The following MGAM variants were observed in gnomAD, a reference collection of about 807,000 sequenced individuals.
MGAM encodes maltase-glucoamylase.
A neutral mutation model predicts 358.8 loss-of-function variants in MGAM; 253 were observed. That is an observed-to-expected ratio of 0.71 (90% confidence interval 0.64 to 0.78). MGAM has a LOEUF of 0.78. MGAM is among the 30% of genes least tolerant of loss of function. The probability of loss-of-function intolerance (pLI) is 0.00; values close to 1 mark genes in which losing one functional copy is unlikely to be tolerated. For synonymous variants in MGAM, 1,105 were observed against 1,227.1 expected, an observed-to-expected ratio of 0.90 and a Z score of 2.08; for missense variants, 3,080 against 3,432.6, an observed-to-expected ratio of 0.90 and a Z score of 2.57.
At position 142,021,688 on chromosome 7, in the gene MGAM, A is replaced by G. The variant is rs782576547; in HGVS notation, c.661A>G (p.Arg221Gly). The G allele has an allele frequency of 5.6e-6, 9 of 1,613,968 alleles. No individual in the cohort carries two copies. In the South Asian group the frequency reaches 9.9e-5, roughly 18 times the overall value. Residue 221 changes from arginine (R) to glycine (G), a missense_variant, in exon 6 of 71, where the codon AGA becomes GGA. Arg to Gly is a moderately radical substitution (Grantham distance 125). Coordinates refer to ENST00000475668, the MANE Select transcript of MGAM (RefSeq NM_001365693.1). ...ASLTYQVEIS[R>G]QPFSIKVTRR... ...TTTGACCTACCAAGTTGAAATCTCC[A>G]GACAGCCATTTAGCATCAAAGTGAC...
intron 21 of MGAM, among the ~76,000 whole-genome samples, chr7:142,043,086 A>ATCTATAT (rs1809263469): frequency 4.1e-5 from 2 of 49,028 alleles, no homozygotes; most frequent in African/African-American, 2.2e-4. Context: ...TAAATATAAT[A>ATCTATAT]TATATATTAT....
At chr7:142,096,036 A>G (rs2129061992) in intron 64 of MGAM, 4 of 593,122 alleles carry the variant, frequency 6.7e-6, no homozygotes, top group Middle Eastern at 4.5e-4. Context: ...GATTTCAGGA[A>G]GAGATTTGAG....
chr7:141,993,449 G>T (rs1380166316), upstream of MGAM, among the ~76,000 whole-genome samples: 1 of 152,108 alleles, frequency 6.6e-6, no homozygotes, highest in Non-Finnish European at 1.5e-5. Flanking sequence ...AAATTGTAAT[G>T]CAAGTCTCTC....
At position 142,059,404 on chromosome 7, in the gene MGAM, G is replaced by A. The variant is rs1323959494; in HGVS notation, c.3820-68G>A. The A allele has an allele frequency of 1.1e-4, 176 of 1,563,806 alleles. 4 individuals are homozygous for A. The South Asian group carries it at 2.0e-3, about 18-fold the overall frequency. ...CTGGAATTCCACCATGGGTGGTGGA[G>A]GGTTGTTCTCCTATAAAGCTTGGGC... On this transcript the variant is annotated intron_variant, in intron 31 of 70. Coordinates refer to ENST00000475668, the MANE Select transcript of MGAM (RefSeq NM_001365693.1).
At position 142,086,878 on chromosome 7, in the gene MGAM, G is replaced by A. The variant is rs79492165; in HGVS notation, c.6810+161G>A. The stretch of plus-strand genomic sequence containing the variant: ...CAGTCTGTGTGCCCATTACTTTATA[G>A]GTAGTCATACTTTACTGGCCACTGG... On this transcript the variant is annotated intron_variant, in intron 57 of 70. Coordinates refer to ENST00000475668, the MANE Select transcript of MGAM (RefSeq NM_001365693.1). 2.0e-5 allele frequency among the ~76,000 whole-genome samples: 2 copies of A among 99,218 alleles called. 1 individual carries two copies. Among genetic ancestry groups the A allele is most frequent in the Non-Finnish European group, 4.4e-5 (2 of 45,120 alleles). 65.1% of individuals were successfully genotyped at this position (99,218 alleles called of 152,430 possible).
chr7:142,034,308 A>G lies in MGAM; in HGVS notation c.1716A>G (p.Ala572=). Residue 572 remains alanine (A), a synonymous_variant, in exon 15 of 71, where the codon GCA becomes GCG. Coordinates refer to ENST00000475668, the MANE Select transcript of MGAM (RefSeq NM_001365693.1). ...YLFCKTLCMD[A]VQHWGKQYDI... ...TCTGCAAGACTCTCTGTATGGATGC[A>G]GTGCAGCACTGGGGCAAGCAGTATG... 2 of 1,600,234 alleles carry G rather than the reference A, an allele frequency of 1.2e-6. No homozygotes were observed. The highest frequency in any genetic ancestry group is 1.7e-6 in the Non-Finnish European group (2 of 1,173,276).
rs782434606 is a variant in MGAM at position 142,030,772 on chromosome 7, A to G, written c.1470+15A>G. The G allele has an allele frequency of 6.5e-7, 1 of 1,536,636 alleles. No homozygotes were observed. The highest frequency in any genetic ancestry group is 9.0e-7 in the Non-Finnish European group (1 of 1,109,884). On this transcript the variant is annotated intron_variant, in intron 12 of 70. Transcript: ENST00000475668. Reference sequence around the variant, plus strand: ...TCATTGGGGAGGTAACTTAATGGGAAGGCTGGAGGCTGGTGGAGGGGCTGC... The same window carrying G: ...TCATTGGGGAGGTAACTTAATGGGAGGGCTGGAGGCTGGTGGAGGGGCTGC...
chr7:142,018,731 C>T (rs1554457171), intron 3 of MGAM, among the ~76,000 whole-genome samples: 2 of 152,162 alleles, frequency 1.3e-5, no homozygotes, highest in African/African-American at 2.4e-5. Context: ...ATATATCTCA[C>T]ATATGTATAA....
intron 42 of MGAM, among the ~76,000 whole-genome samples, chr7:142,068,237 T>TCTGC (rs1351395164): frequency 7.1e-6 from 1 of 140,056 alleles, no homozygotes; most frequent in African/African-American, 2.5e-5. Flanking sequence ...GACCTCATGA[T>TCTGC]CTGCCTGACT....
At chr7:142,054,600 C>G in intron 26 of MGAM, among the ~76,000 whole-genome samples, 154 bp from the exon 27 acceptor site, 1 of 152,048 alleles carries the variant, frequency 6.6e-6, no homozygotes, top group East Asian at 1.9e-4. Flanking sequence ...TTAAATGTGA[C>G]ATTGTTATCT....
In MGAM at chr7:142,097,613, A is replaced by G. The variant is rs775033095; in HGVS notation, c.7713A>G (p.Ala2571=). 2.7e-5 allele frequency: 43 copies of G among 1,612,816 alleles called. No homozygotes were observed. Among genetic ancestry groups the G allele is most frequent in the Non-Finnish European group, 3.5e-5 (41 of 1,179,016 alleles). ...TTTAGAATGCCAGAAATGTCACTGCATATTTCCCTAGAGCCCGCTGGTATG... is the reference window on the plus strand; with the variant it reads ...TTTAGAATGCCAGAAATGTCACTGCGTATTTCCCTAGAGCCCGCTGGTATG... ...VLERNARNVT[A]YFPRARWYDY... is the part of the protein sequence containing the mutation. Residue 2571 remains alanine (A), a synonymous_variant, in exon 66 of 71, where the codon GCA becomes GCG. Transcript: ENST00000475668.
chr7:142,081,600 A>T (rs1419785155), intron 50 of MGAM, among the ~76,000 whole-genome samples: 1 of 146,068 alleles, frequency 6.8e-6, no homozygotes, highest in Non-Finnish European at 1.6e-5. Context: ...ACGCCGGTTG[A>T]GGGGGCAGCT....
In MGAM at chr7:142,094,389, C is replaced by T. The variant is rs770700844; in HGVS notation, c.7198C>T (p.Arg2400Ter). ...YEAVQEVTGQ[R>*]GVVITRSTFP... is the part of the protein sequence containing the mutation. ...AGCCGTGCAGGAGGTGACAGGACAG[C>T]GAGGGGTCGTCATCACCCGCTCCAC... The change falls in exon 61 of 71, where the codon CGA becomes TGA. Residue 2400 changes from arginine to a stop codon, truncating the protein, a stop_gained. Transcript: ENST00000475668. LOFTEE classifies it high-confidence loss of function. 30 of 1,529,286 alleles carry T rather than the reference C, an allele frequency of 2.0e-5. 3 individuals carry two copies. In the South Asian group the frequency reaches 2.0e-4, roughly 10 times the overall value. 94.7% of individuals were successfully genotyped at this position (1,529,286 alleles called of 1,614,324 possible). A position where few individuals can be genotyped will look rare whatever the true frequency, so the allele number is the denominator to read the frequency against.
At chr7:142,088,695 T>TATCC (rs1348694413) in intron 57 of MGAM, among the ~76,000 whole-genome samples, 8 of 127,942 alleles carry the variant, frequency 6.3e-5, no homozygotes, top group Non-Finnish European at 8.6e-5. Flanking sequence ...TCTATCTATC[T>TATCC]ATCCATCCAG....
Position 142,092,566 on chromosome 7 carries a change from G to A in MGAM, c.6991G>A (p.Gly2331Ser). ...SSFVNGAVSPGCRDASLNHPP... is the reference protein window; with the variant it reads ...SSFVNGAVSPSCRDASLNHPP... ...CTTCGTGAATGGGGCAGTTTCTCCA[G>A]GCTGCAGGGATGCCTCTCTGAACCA... Residue 2331 changes from glycine to serine, a missense_variant, in exon 59 of 71, where the codon GGC becomes AGC. Gly to Ser is a moderately conservative substitution (Grantham distance 56). Around this residue, in one of 5 missense-constraint regions of MGAM, gnomAD observed 932 missense variants for 1,198.2 expected, o/e 0.78. Transcript: ENST00000475668. 1 of 1,549,050 alleles carries A rather than the reference G, an allele frequency of 6.5e-7. No homozygotes were observed. The highest frequency in any genetic ancestry group is 8.9e-7 in the Non-Finnish European group (1 of 1,129,006).
chr7:142,052,731 G>A, intron 25 of MGAM, 53 bp from the exon 26 acceptor site: 1 of 1,595,672 alleles, frequency 6.3e-7, no homozygotes. Context: ...TTAGGTTAGA[G>A]AACTTTAAGA....
In MGAM at chr7:141,998,695, T is replaced by C. The variant is rs564538153; in HGVS notation, c.-3+2765T>C. On this transcript the variant is annotated intron_variant, in intron 1 of 70. Transcript: ENST00000475668. ...GGTTGGTTCCAAGTCTTTGCTATTG[T>C]AAATAGTGCTGCAGTAAACATACGT... 3.3e-4 allele frequency among the ~76,000 whole-genome samples: 50 copies of C among 152,322 alleles called. No individual in the cohort carries two copies. The South Asian group carries it at 9.3e-3, about 28-fold the overall frequency.
At chr7:142,039,687 C>T (rs1387298551) in intron 19 of MGAM, among the ~76,000 whole-genome samples, 1 of 152,152 alleles carries the variant, frequency 6.6e-6, no homozygotes, top group African/African-American at 2.4e-5. Context: ...AACACTCACT[C>T]TAAAGTCAGG....
intron 43 of MGAM, among the ~76,000 whole-genome samples, chr7:142,069,701 G>T (rs1353480878): frequency 6.9e-6 from 1 of 145,476 alleles, no homozygotes; most frequent in Non-Finnish European, 1.6e-5. Flanking sequence ...GTCTGGATCT[G>T]CCCTTAGGGT....
Sources: allele counts gnomAD v4.1 joint callset (sites outside exome capture counted in the v4.1 genomes callset), GRCh38; gene constraint gnomAD v4.1.1; regional missense constraint gnomAD v4.1.1; transcripts MANE v1.5; gene names NCBI Gene and HGNC (gene_info 2026-07-23, HGNC 2026-07-21).